RLF: variants seen among roughly 807,000 people sequenced by gnomAD.
RLF encodes RLF zinc finger, also known as zinc finger protein Rlf.
RLF carries 7 observed loss-of-function variants against 162.9 expected under a neutral mutation model. The ratio of observed to expected loss-of-function variants is 0.04; its 90% CI spans 0.02 to 0.08. The LOEUF is 0.08. Ranked by LOEUF, RLF falls within the 10% of genes least tolerant of loss-of-function variation. RLF has a pLI of 1.00. For missense variants in RLF, 1,664 were observed against 2,244.7 expected, an observed-to-expected ratio of 0.74 and a Z score of 5.23; for synonymous variants, 782 against 791.5, an observed-to-expected ratio of 0.99 and a Z score of 0.20.
chr1:40,233,503 T>TA (rs1448839037), intron 7 of RLF, among the ~76,000 whole-genome samples: 3 of 152,200 alleles, frequency 2.0e-5, no homozygotes, highest in Non-Finnish European at 4.4e-5. Flanking sequence ...TCTCTGCTCT[T>TA]ACTTACAAAT....
At chr1:40,196,065 A>G (rs1642631227) in intron 4 of RLF, among the ~76,000 whole-genome samples, 1 of 151,410 alleles carries the variant, frequency 6.6e-6, no homozygotes, top group Non-Finnish European at 1.5e-5. Context: ...AGCTTTGCTT[A>G]TACTTTTCTT....
chr1:40,231,539 A>G lies in RLF; in HGVS notation c.970A>G (p.Lys324Glu). Residue 324 changes from lysine (K) to glutamate (E), a missense_variant, in exon 7 of 8, where the codon AAA (lysine) becomes GAA (glutamate). By Grantham distance (56) the Lys-to-Glu change is moderately conservative (BLOSUM62 1). Transcript: ENST00000372771. The stretch of plus-strand genomic sequence containing the variant: ...TAGGGAACTGACTCTTTTTTGGAGT[A>G]AACTGCAAAGAAGAATTGACCCTTC... ...CSWELTLFWS[K>E]LQRRIDPSLD... is the part of the protein sequence containing the mutation. The G allele has an allele frequency of 6.2e-7, 1 of 1,613,222 alleles. No homozygotes were observed. Among genetic ancestry groups the G allele is most frequent in the Non-Finnish European group, 8.5e-7 (1 of 1,179,622 alleles).
chr1:40,202,755 A>G (rs1395077316), intron 5 of RLF, 141 bp downstream of exon 5: 1 of 533,100 alleles, frequency 1.9e-6, no homozygotes, highest in Non-Finnish European at 3.2e-6. Context: ...TTTTAATTGT[A>G]TATTTAACTG....
At position 40,185,292 on chromosome 1, in the gene RLF, G is replaced by A. The variant is rs145092917; in HGVS notation, c.238-3763G>A. Among the ~76,000 whole-genome samples the A allele has an allele frequency of 9.5e-3, 1,438 of 151,154 alleles. 22 individuals are homozygous for A. Among genetic ancestry groups the A allele is most frequent in the African/African-American group, 0.032 (1,332 of 41,290 alleles). On this transcript the variant is annotated intron_variant, in intron 1 of 7. Transcript: ENST00000372771. ...ACTAGAGGCATGCGCCACCACGCCC[G>A]GCTACTTTCTGTATTTTTAGTAGAG...
Position 40,239,960 on chromosome 1 carries a change from A to G in RLF, c.5258A>G (p.His1753Arg). 1 of 1,613,762 alleles carries G rather than the reference A, an allele frequency of 6.2e-7. No homozygotes were observed. The highest frequency in any genetic ancestry group is 1.1e-5 in the South Asian group (1 of 91,088). The part of the protein sequence containing the change: ...THVPKENFRK[H>R]SQPRSFDLKT... The stretch of plus-strand genomic sequence containing the variant: ...GTCCCAAAAGAGAATTTTAGGAAAC[A>G]TTCACAGCCCCGGTCATTTGATTTG... The change falls in exon 8 of 8, where the codon CAT (histidine) becomes CGT (arginine). Residue 1753 changes from histidine to arginine, a missense_variant. Transcript: ENST00000372771.
intron 5 of RLF, among the ~76,000 whole-genome samples, chr1:40,221,759 G>T (rs1310980607): frequency 2.0e-5 from 3 of 151,910 alleles, no homozygotes; most frequent in African/African-American, 7.3e-5. Flanking sequence ...AATTAGCTGG[G>T]CACGGTGGTG....
At chr1:40,165,666 A>G (rs1426678836) in intron 1 of RLF, among the ~76,000 whole-genome samples, 4 of 151,532 alleles carry the variant, frequency 2.6e-5, no homozygotes, top group African/African-American at 7.3e-5. Flanking sequence ...TGTTGCAGCA[A>G]CCTCTTCACT....
intron 1 of RLF, among the ~76,000 whole-genome samples, chr1:40,188,559 T>C (rs1642515817): frequency 6.6e-6 from 1 of 152,072 alleles, no homozygotes; most frequent in Admixed American, 6.5e-5. Flanking sequence ...AACATTAACC[T>C]TTTAGAAATT....
chr1:40,166,904 A>G (rs953102459), intron 1 of RLF, among the ~76,000 whole-genome samples: 2 of 151,712 alleles, frequency 1.3e-5, no homozygotes, highest in Admixed American at 1.3e-4. Context: ...ACCTAATGTA[A>G]ATGACGAGTT....
At chr1:40,213,783 T>C (rs190527255) in intron 5 of RLF, among the ~76,000 whole-genome samples, 25 of 152,368 alleles carry the variant, frequency 1.6e-4, no homozygotes, top group African/African-American at 5.8e-4. Flanking sequence ...ACCTCAGAAC[T>C]AATCAGGGAA....
chr1:40,226,316 A>G (rs1643074908), intron 6 of RLF, among the ~76,000 whole-genome samples: 1 of 152,164 alleles, frequency 6.6e-6, no homozygotes, highest in Non-Finnish European at 1.5e-5. Context: ...GCATTTGAAA[A>G]AGGTGACCAT....
intron 5 of RLF, among the ~76,000 whole-genome samples, chr1:40,221,917 A>AAAAAAAAAAAAAAAAAAAAAGAG (rs1486982312): frequency 1.2e-4 from 18 of 150,366 alleles, no homozygotes; most frequent in African/African-American, 4.2e-4. Context: ...AAAAAAAAAA[A>AAAAAAAAAAAAAAAAAAAAAGAG]AGAGAAAGGA....
At chr1:40,211,541 T>C (rs2124547681) in intron 5 of RLF, among the ~76,000 whole-genome samples, 1 of 152,324 alleles carries the variant, frequency 6.6e-6, no homozygotes, top group South Asian at 2.1e-4. Context: ...GCAAAACATT[T>C]AGTACACATA....
At chr1:40,164,198 T>A (rs527993283) in intron 1 of RLF, among the ~76,000 whole-genome samples, 1 of 152,364 alleles carries the variant, frequency 6.6e-6, no homozygotes. Flanking sequence ...TGCTTAATAC[T>A]ACAAATGTAT....
chr1:40,175,590 A>G (rs1042377086), intron 1 of RLF, among the ~76,000 whole-genome samples: 3 of 152,120 alleles, frequency 2.0e-5, no homozygotes, highest in Admixed American at 6.5e-5. Flanking sequence ...CGGAGGTTGC[A>G]GTGAGCTGAG....
At chr1:40,229,610 A>G (rs1557759612) in intron 6 of RLF, among the ~76,000 whole-genome samples, 2 of 151,206 alleles carry the variant, frequency 1.3e-5, no homozygotes, top group Non-Finnish European at 3.0e-5. Flanking sequence ...ATGCACCACC[A>G]CACCCAGCTA....
chr1:40,195,562 A>G lies in RLF; in HGVS notation c.475-70A>G, dbSNP rs1642624161. The G allele has an allele frequency of 2.3e-6, 3 of 1,298,616 alleles. 1 individual carries two copies. The South Asian group carries it at 4.4e-5, about 19-fold the overall frequency. The allele number at this position is 1,298,616 out of a possible 1,614,324, so 80.4% of individuals were successfully genotyped here. A position where few individuals can be genotyped will look rare whatever the true frequency, so the allele number is the denominator to read the frequency against. On this transcript the variant is annotated intron_variant, in intron 3 of 7. Transcript: ENST00000372771. ...TTCTTTCAATTCCTAGGTGTATCAG[A>G]TATGTTGAAAAGGCAAAACTAATTT...
intron 6 of RLF, among the ~76,000 whole-genome samples, chr1:40,225,555 G>A: frequency 7.0e-6 from 1 of 142,538 alleles, no homozygotes; most frequent in East Asian, 2.0e-4. Flanking sequence ...CTGCAGCCTG[G>A]GTGACAGAGC....
chr1:40,163,194 G>C (rs920086808), intron 1 of RLF, among the ~76,000 whole-genome samples: 5 of 152,206 alleles, frequency 3.3e-5, no homozygotes, highest in African/African-American at 1.2e-4. Flanking sequence ...ACTTTAGTTA[G>C]TAAGACCCTA....
Sources: gnomAD v4.1 joint callset for allele counts (sites outside exome capture counted in the v4.1 genomes callset) on GRCh38, gnomAD v4.1.1 for gene constraint, MANE v1.5 for transcripts, NCBI Gene and HGNC (gene_info 2026-07-23, HGNC 2026-07-21) for gene names.